Variants in ATP8B1 observed in about 807,000 individuals in gnomAD.
ATP8B1 encodes the protein phospholipid-transporting ATPase IC.
In ATP8B1, 80 loss-of-function variants were observed where a neutral mutation model predicts 149.9. That is an observed-to-expected ratio of 0.53 (90% CI 0.45 to 0.64). ATP8B1 has a LOEUF of 0.64. Among genes scored for constraint, ATP8B1 ranks in the 30% least tolerant of loss-of-function variants. The probability of loss-of-function intolerance (pLI) is 0.00; values close to 1 mark genes in which losing one functional copy is unlikely to be tolerated. For synonymous variants in ATP8B1, 536 were observed against 562.8 expected (o/e 0.95, Z 0.67); for missense variants, 1,247 against 1,552.6 (o/e 0.80, Z 3.31).
rs1474538208 is a variant in ATP8B1 at position 57,723,123 on chromosome 18, C to G, written c.181+8504G>C. Among the ~76,000 whole-genome samples, 37 of 151,178 alleles carry G rather than the reference C, an allele frequency of 2.4e-4. 1 individual carries two copies. In the South Asian group the frequency reaches 7.5e-3, roughly 31 times the overall value. On this transcript the variant is annotated intron_variant, in intron 2 of 27. Coordinates refer to ENST00000648908, the MANE Select transcript of ATP8B1 (RefSeq NM_001374385.1). ...TCAAAATAATAAGAGCTATCTATGACAAACCCACAGCCAATATCATACTGA... is the reference window on the plus strand; with the variant it reads ...TCAAAATAATAAGAGCTATCTATGAGAAACCCACAGCCAATATCATACTGA...
rs777052272 is a variant in ATP8B1 at position 57,667,148 on chromosome 18, T to A, written c.2229A>T (p.Gly743=). The change falls in exon 20 of 28, where the codon GGA becomes GGT. Residue 743 remains glycine (G), a synonymous_variant. Coordinates refer to ENST00000648908, the MANE Select transcript of ATP8B1 (RefSeq NM_001374385.1). The stretch of plus-strand genomic sequence containing the variant: ...CTTCAGTCAGAAGTTCACAAGCAAA[T>A]CCTATATTTTCAGCAGTTTCTACAA... ...GDKKETAENI[G]FACELLTEDT... 6.2e-7 allele frequency: 1 copy of A among 1,612,208 alleles called. No individual in the cohort carries two copies. Among genetic ancestry groups the A allele is most frequent in the Non-Finnish European group, 8.5e-7 (1 of 1,178,254 alleles).
chr18:57,786,334 A>G (rs2080409287), intron 1 of ATP8B1, among the ~76,000 whole-genome samples: 2 of 152,230 alleles, frequency 1.3e-5, no homozygotes, highest in South Asian at 2.1e-4. Flanking sequence ...GTGGCTGGAC[A>G]TCACTTCAGA....
At chr18:57,699,206 C>A (rs934899677) in intron 6 of ATP8B1, among the ~76,000 whole-genome samples, 22 of 152,188 alleles carry the variant, frequency 1.4e-4, no homozygotes. Flanking sequence ...AGCCGTACTT[C>A]CACTCTAATG....
intron 1 of ATP8B1, among the ~76,000 whole-genome samples, chr18:57,780,361 C>G (rs1244902984): frequency 6.6e-6 from 1 of 152,178 alleles, no homozygotes; most frequent in African/African-American, 2.4e-5. Context: ...AATTTGAAAA[C>G]AGGTCTTCTG....
chr18:57,744,322 A>AAAG (rs1555652560), intron 1 of ATP8B1, among the ~76,000 whole-genome samples: 14 of 151,024 alleles, frequency 9.3e-5, no homozygotes, highest in Non-Finnish European at 2.1e-4. Flanking sequence ...AAAAAAAAAA[A>AAAG]AAAGAAAGAA....
chr18:57,664,874 A>G (rs1007337684), intron 20 of ATP8B1, among the ~76,000 whole-genome samples: 2 of 152,098 alleles, frequency 1.3e-5, no homozygotes, highest in Non-Finnish European at 2.9e-5. Context: ...CTGGCTCAGG[A>G]CTCTTACTAT....
intron 1 of ATP8B1, among the ~76,000 whole-genome samples, chr18:57,761,632 A>G (rs1386530667): frequency 6.6e-6 from 1 of 151,558 alleles, no homozygotes; most frequent in Non-Finnish European, 1.5e-5. Flanking sequence ...TCCTAATTCT[A>G]TAGGTTTTTT....
chr18:57,701,310 C>G lies in ATP8B1; in HGVS notation c.397G>C (p.Val133Leu). 1 of 1,613,754 alleles carries G rather than the reference C, an allele frequency of 6.2e-7. No individual in the cohort carries two copies. Among genetic ancestry groups the G allele is most frequent in the Non-Finnish European group, 8.5e-7 (1 of 1,179,628 alleles). Residue 133 changes from valine to leucine, a missense_variant, in exon 5 of 28, where the codon GTT (valine) becomes CTT (leucine). By Grantham distance (32) the Val-to-Leu change is conservative (BLOSUM62 1). This residue lies in a region of ATP8B1 where 853 missense variants were observed against 1,035.7 expected (regional missense o/e 0.82). Coordinates refer to ENST00000648908, the MANE Select transcript of ATP8B1 (RefSeq NM_001374385.1). ...CAAGCCAGGGTAGAGATTTGAGGAACTGCCTAAAAGAATAAAAGGGCTTAT... is the reference window on the plus strand; with the variant it reads ...CAAGCCAGGGTAGAGATTTGAGGAAGTGCCTAAAAGAATAAAAGGGCTTAT... The part of the protein sequence containing the change: ...YFLALLILQA[V>L]PQISTLAWYT...
chr18:57,788,425 C>T (rs1351262743), intron 1 of ATP8B1, among the ~76,000 whole-genome samples: 1 of 151,830 alleles, frequency 6.6e-6, no homozygotes, highest in African/African-American at 2.4e-5. Context: ...CGTGGTGGTG[C>T]CCATCTGTAA....
At chr18:57,707,152 C>T (rs1913444168) in intron 2 of ATP8B1, among the ~76,000 whole-genome samples, 1 of 152,056 alleles carries the variant, frequency 6.6e-6, no homozygotes, top group Non-Finnish European at 1.5e-5. Flanking sequence ...TAAAAATAGC[C>T]AGGTGCAGTG....
In ATP8B1 at chr18:57,661,676, T is replaced by TACACACACACAC. The variant is rs368698002; in HGVS notation, c.2419-226_2419-215dup. On this transcript the variant is annotated intron_variant, in intron 21 of 27. Transcript: ENST00000648908. ...ACATATATGTATGTGTGTATGTATATACACACACACACACACACACATATA... is the reference window on the plus strand; with the variant it reads ...ACATATATGTATGTGTGTATGTATATACACACACACACACACACACACACACACACACATATA... 1.2e-4 allele frequency among the ~76,000 whole-genome samples: 13 copies of TACACACACACAC among 104,622 alleles called. No homozygotes were observed. The East Asian group carries it at 2.5e-3, about 20-fold the overall frequency. 68.6% of individuals were successfully genotyped at this position (104,622 alleles called of 152,430 possible). A position where few individuals can be genotyped will look rare whatever the true frequency, so the allele number is the denominator to read the frequency against.
At chr18:57,785,410 T>C (rs900231062) in intron 1 of ATP8B1, among the ~76,000 whole-genome samples, 1 of 152,284 alleles carries the variant, frequency 6.6e-6, no homozygotes, top group African/African-American at 2.4e-5. Flanking sequence ...AAATTCCCGA[T>C]ATTTTTGTTG....
chr18:57,695,387 A>G (rs1406006986), intron 9 of ATP8B1, 58 bp from the exon 10 acceptor site: 2 of 1,589,102 alleles, frequency 1.3e-6, no homozygotes, highest in Non-Finnish European at 8.6e-7. Context: ...TCTGGTTTTA[A>G]TCAATAGGAA....
intron 1 of ATP8B1, among the ~76,000 whole-genome samples, chr18:57,781,890 C>T (rs2080360489): frequency 4.6e-5 from 7 of 152,226 alleles, no homozygotes; most frequent in Admixed American, 4.6e-4. Context: ...GAGGCTGAGG[C>T]TGGAGGATGG....
chr18:57,734,285 A>G (rs401197), intron 1 of ATP8B1, among the ~76,000 whole-genome samples: 149,566 of 152,096 alleles, frequency 0.98, 73,588 homozygotes, highest in East Asian at 1. Flanking sequence ...TGCCTCCCAG[A>G]TTCAAGCAAT....
At chr18:57,767,235 G>A (rs890218791) in intron 1 of ATP8B1, among the ~76,000 whole-genome samples, 18 of 152,158 alleles carry the variant, frequency 1.2e-4, no homozygotes, top group African/African-American at 1.7e-4. Context: ...CAGTAGAGTC[G>A]CAGACTAAGC....
chr18:57,704,945 G>C (rs571205756), intron 3 of ATP8B1, among the ~76,000 whole-genome samples: 1 of 152,144 alleles, frequency 6.6e-6, no homozygotes, highest in Admixed American at 6.6e-5. Context: ...TTAGCCAGGC[G>C]TGGTGGCCTG....
At chr18:57,672,605 G>A (rs74696176) in intron 16 of ATP8B1, among the ~76,000 whole-genome samples, 6,032 of 151,996 alleles carry the variant, frequency 0.04, 192 homozygotes, top group East Asian at 0.19. Context: ...GGTGGCTCAC[G>A]CCTGTAATCC....
At chr18:57,795,928 G>A (rs188258893) in intron 1 of ATP8B1, among the ~76,000 whole-genome samples, 1 of 152,186 alleles carries the variant, frequency 6.6e-6, no homozygotes, top group Non-Finnish European at 1.5e-5. Context: ...CAACACTTTG[G>A]GAGGCTAAGG....
Sources: allele counts gnomAD v4.1 joint callset (sites outside exome capture counted in the v4.1 genomes callset), GRCh38; gene constraint gnomAD v4.1.1; regional missense constraint gnomAD v4.1.1; transcripts MANE v1.5; gene names NCBI Gene and HGNC (gene_info 2026-07-23, HGNC 2026-07-21).